RAX: variants seen among roughly 807,000 people sequenced by gnomAD.
RAX encodes the protein retinal homeobox protein Rx.
RAX carries 11 observed loss-of-function variants against 17.4 expected under a neutral mutation model. The observed-to-expected ratio is 0.63, with a 90% CI of 0.40 to 1.05. The LOEUF is 1.05. Among genes scored for constraint, RAX ranks in the 50% least tolerant of loss-of-function variants. RAX has a pLI of 0.00. For missense variants in RAX, 527 were observed against 501.1 expected (o/e 1.05, Z -0.49); for synonymous variants, 276 against 254.7 (o/e 1.08, Z -0.80).
At chr18:59,272,860 G>A (rs2070350766) in intron 1 of RAX, 58 bp downstream of exon 1, 1 of 1,490,276 alleles carries the variant, frequency 6.7e-7, no homozygotes, top group Non-Finnish European at 8.8e-7. Flanking sequence ...CTCTCGTCTG[G>A]CCAACTCCTA....
Position 59,267,239 on chromosome 18 carries a change from C to T in RAX, c.*1765G>A, listed in dbSNP as rs2070285685. The stretch of plus-strand genomic sequence containing the variant: ...ATCTGGAGGTCTAGGGGTACACAGC[C>T]CTGGTTATGCAATAGCCTCTTAGAC... On this transcript the variant is annotated 3_prime_UTR_variant, in exon 3 of 3. Transcript: ENST00000334889. 1 of 152,164 alleles carries T rather than the reference C, an allele frequency of 6.6e-6. No homozygotes were observed. The highest frequency in any genetic ancestry group is 2.4e-5 in the African/African-American group (1 of 41,412). 9.4% of individuals were successfully genotyped at this position (152,164 alleles called of 1,614,324 possible).
Position 59,272,782 on chromosome 18 carries a change from GA to G in RAX, c.289+135del, listed in dbSNP as rs1050219218. ...CTAAGCTTTCTCTGAATGCAAATTG[GA>G]AGCTCCCGCCATAGACGGTCCCCAA... On this transcript the variant is annotated intron_variant, in intron 1 of 2. Coordinates refer to ENST00000334889, the MANE Select transcript of RAX (RefSeq NM_013435.3). 5.8e-6 allele frequency: 8 copies of G among 1,373,210 alleles called. No homozygotes were observed. The African/African-American group carries it at 1.2e-4, about 20-fold the overall frequency. 85.1% of individuals were successfully genotyped at this position (1,373,210 alleles called of 1,614,324 possible).
chr18:59,273,232 G>A lies in RAX; in HGVS notation c.-26C>T. The A allele has an allele frequency of 6.6e-7, 1 of 1,520,394 alleles. No individual in the cohort carries two copies. Among genetic ancestry groups the A allele is most frequent in the African/African-American group, 1.4e-5 (1 of 71,740 alleles). 94.2% of individuals were successfully genotyped at this position (1,520,394 alleles called of 1,614,324 possible). Reference sequence around the variant, plus strand: ...GGGGAGCGCCGGGAGGCGGGAGGGCGCTTTGGAGACGGAGAGGAGAGGCTC... The same window carrying A: ...GGGGAGCGCCGGGAGGCGGGAGGGCACTTTGGAGACGGAGAGGAGAGGCTC... On this transcript the variant is annotated 5_prime_UTR_variant, in exon 1 of 3. Coordinates refer to ENST00000334889, the MANE Select transcript of RAX (RefSeq NM_013435.3).
Position 59,268,751 on chromosome 18 carries a change from G to T in RAX, c.*253C>A. ...CGTGGCCAGCGGGGCCCGGCAGCCTGTTGCCCTCCAGCTGCAGGGCTGAGG... is the reference window on the plus strand; with the variant it reads ...CGTGGCCAGCGGGGCCCGGCAGCCTTTTGCCCTCCAGCTGCAGGGCTGAGG... On this transcript the variant is annotated 3_prime_UTR_variant, in exon 3 of 3. Coordinates refer to ENST00000334889, the MANE Select transcript of RAX (RefSeq NM_013435.3). This position sits in a 1 kb window ranked among gnomAD's most constrained non-coding sequence, Gnocchi z 4.4. The T allele has an allele frequency of 1.6e-6, 1 of 608,528 alleles. No homozygotes were observed. The highest frequency in any genetic ancestry group is 2.8e-6 in the Non-Finnish European group (1 of 359,490). 37.7% of individuals were successfully genotyped at this position (608,528 alleles called of 1,614,324 possible). A position where few individuals can be genotyped will look rare whatever the true frequency, so the allele number is the denominator to read the frequency against.
chr18:59,268,929 G>C lies in RAX; in HGVS notation c.*75C>G. On this transcript the variant is annotated 3_prime_UTR_variant, in exon 3 of 3. Coordinates refer to ENST00000334889, the MANE Select transcript of RAX (RefSeq NM_013435.3). This position sits in a 1 kb window ranked among gnomAD's most constrained non-coding sequence, Gnocchi z 4.4. ...AAGAGGGGCCGAGCTGGGGAGGGGG[G>C]TTGTCCCTGGGAGAGAGGATGCGGG... 6.2e-7 allele frequency: 1 copy of C among 1,608,926 alleles called. No individual in the cohort carries two copies.
At chr18:59,269,585 G>A (rs1348603875) in intron 2 of RAX, 84 bp from the exon 3 acceptor site, 15 of 1,473,912 alleles carry the variant, frequency 1.0e-5, no homozygotes, top group Admixed American at 3.8e-5. Flanking sequence ...AGCTCGGCGG[G>A]CTCCACTCCG....
Position 59,269,120 on chromosome 18 carries a change from A to G in RAX, c.925T>C (p.Phe309Leu), listed in dbSNP as rs1312676073. ...TCGTCCAGCGGGAACTTGTCCCCGA[A>G]GCCGGGCCCGCACGGGTAGGAGGGC... ...PPPSYPCGPG[F>L]GDKFPLDEAD... Residue 309 changes from phenylalanine (F) to leucine (L), a missense_variant, in exon 3 of 3, where the codon TTC becomes CTC. Physicochemically the swap from Phe to Leu is conservative, Grantham distance 22. Transcript: ENST00000334889. The G allele has an allele frequency of 1.2e-6, 2 of 1,608,520 alleles. No homozygotes were observed. Among genetic ancestry groups the G allele is most frequent in the Non-Finnish European group, 1.7e-6 (2 of 1,177,818 alleles).
Position 59,268,112 on chromosome 18 carries a change from A to T in RAX, c.*892T>A, listed in dbSNP as rs2070297217. 1 of 152,678 alleles carries T rather than the reference A, an allele frequency of 6.5e-6. No homozygotes were observed. Among genetic ancestry groups the T allele is most frequent in the Admixed American group, 6.5e-5 (1 of 15,288 alleles). The allele number at this position is 152,678 out of a possible 1,614,324, so 9.5% of individuals were successfully genotyped here. The stretch of plus-strand genomic sequence containing the variant: ...GCTTGGTGAACTGAGAGGAGTCCTT[A>T]GGAGAGCGGGGACGCCAGGGGCCGG... On this transcript the variant is annotated 3_prime_UTR_variant, in exon 3 of 3. Coordinates refer to ENST00000334889, the MANE Select transcript of RAX (RefSeq NM_013435.3). This position sits in a 1 kb window ranked among gnomAD's most constrained non-coding sequence, Gnocchi z 4.4.
In RAX at chr18:59,272,604, G is replaced by C; in HGVS notation, c.300C>G (p.Pro100=). 1 of 1,611,484 alleles carries C rather than the reference G, an allele frequency of 6.2e-7. No individual in the cohort carries two copies. Among genetic ancestry groups the C allele is most frequent in the Non-Finnish European group, 8.5e-7 (1 of 1,179,514 alleles). Residue 100 remains proline, a synonymous_variant, in exon 2 of 3, where the codon CCC becomes CCG. Transcript: ENST00000334889. ...APAPEYEAPR[P]YCPKEPGEAR... The stretch of plus-strand genomic sequence containing the variant: ...CCTCCCCGGGCTCCTTGGGGCAGTA[G>C]GGTCGAGGGGCTGGGGCGACGAGGC...
Position 59,273,062 on chromosome 18 carries a change from C to G in RAX, c.145G>C (p.Gly49Arg), listed in dbSNP as rs2070353903. 8 of 1,534,982 alleles carry G rather than the reference C, an allele frequency of 5.2e-6. No individual in the cohort carries two copies. Among genetic ancestry groups the G allele is most frequent in the Non-Finnish European group, 7.0e-6 (8 of 1,146,392 alleles). Reference sequence around the variant, plus strand: ...GCGCCCCGCTCCGCCGGGAAGGTGCCGAGGATCCCGTCGTCCTTGGTAAAC... The same window carrying G: ...GCGCCCCGCTCCGCCGGGAAGGTGCGGAGGATCCCGTCGTCCTTGGTAAAC... ...LGFTKDDGILGTFPAERGARG... is the reference protein window; with the variant it reads ...LGFTKDDGILRTFPAERGARG... The change falls in exon 1 of 3, where the codon GGC becomes CGC. Residue 49 changes from glycine to arginine, a missense_variant. Gly to Arg is a moderately radical substitution (Grantham distance 125). Transcript: ENST00000334889.
chr18:59,269,006 A>T lies in RAX; in HGVS notation c.1039T>A (p.Ter347LysextTer109). 6.2e-7 allele frequency: 1 copy of T among 1,612,974 alleles called. No individual in the cohort carries two copies. The highest frequency in any genetic ancestry group is 8.5e-7 in the Non-Finnish European group (1 of 1,179,876). The change falls in exon 3 of 3, where the codon TAG becomes AAG. Residue 347 changes from the stop codon to lysine, a stop_lost. Transcript: ENST00000334889. ...TCCCAAGACGTTCCCCAGTGCCCCTAGAGGGCCTGCCACGGCTTCCCGATG... is the reference window on the plus strand; with the variant it reads ...TCCCAAGACGTTCCCCAGTGCCCCTTGAGGGCCTGCCACGGCTTCCCGATG... ...QAIGKPWQAL[*>K]
Position 59,271,859 on chromosome 18 carries a change from C to A in RAX, c.543+502G>T, listed in dbSNP as rs79872589. 3.1e-3 allele frequency among the ~76,000 whole-genome samples: 465 copies of A among 152,332 alleles called. 2 individuals are homozygous for A. Among genetic ancestry groups the A allele is most frequent in the African/African-American group, 0.011 (442 of 41,574 alleles). ...AGCGAGAAGTTTGGTTGGATGTGCA[C>A]CAGAAAAGGAAAAGTCAGTTTCTTA... is the stretch of plus-strand genomic sequence containing the variant. On this transcript the variant is annotated intron_variant, in intron 2 of 2. Transcript: ENST00000334889.
chr18:59,273,034 C>G lies in RAX; in HGVS notation c.173G>C (p.Arg58Pro), dbSNP rs886054026. Residue 58 changes from arginine (R) to proline (P), a missense_variant, in exon 1 of 3, where the codon CGG becomes CCG. By Grantham distance (103) the Arg-to-Pro change is moderately radical (BLOSUM62 -2). Transcript: ENST00000334889. ...LGTFPAERGARGAKERDRRLG... is the reference protein window; with the variant it reads ...LGTFPAERGAPGAKERDRRLG... ...CCTCCTATCCCGCTCCTTCGCGCCC[C>G]GGGCGCCCCGCTCCGCCGGGAAGGT... 4.6e-6 allele frequency: 7 copies of G among 1,534,480 alleles called. No individual in the cohort carries two copies. The highest frequency in any genetic ancestry group is 1.7e-4 in the Middle Eastern group (1 of 5,840).
chr18:59,268,588 T>A lies in RAX; in HGVS notation c.*416A>T. 3.8e-6 allele frequency: 1 copy of A among 263,854 alleles called. No individual in the cohort carries two copies. The highest frequency in any genetic ancestry group is 9.1e-5 in the East Asian group (1 of 10,984). The allele number at this position is 263,854 out of a possible 1,614,324, so 16.3% of individuals were successfully genotyped here. On this transcript the variant is annotated 3_prime_UTR_variant, in exon 3 of 3. Transcript: ENST00000334889. This position sits in a 1 kb window ranked among gnomAD's most constrained non-coding sequence, Gnocchi z 4.4. The stretch of plus-strand genomic sequence containing the variant: ...TTGAAACTACTTATACAAAAGTTTC[T>A]CAAACTCTATTTTTCCGCCTCCCCT...
chr18:59,272,341 C>T lies in RAX; in HGVS notation c.543+20G>A. ...CCTCGGGCCCTCCCAGATCCCAGTT[C>T]CTCAACCTGGGCGCTTTACCTGGAC... On this transcript the variant is annotated intron_variant, in intron 2 of 2. Transcript: ENST00000334889. 1 of 1,614,202 alleles carries T rather than the reference C, an allele frequency of 6.2e-7. No homozygotes were observed. The highest frequency in any genetic ancestry group is 8.5e-7 in the Non-Finnish European group (1 of 1,180,048).
Position 59,268,882 on chromosome 18 carries a change from G to C in RAX, c.*122C>G. On this transcript the variant is annotated 3_prime_UTR_variant, in exon 3 of 3. Coordinates refer to ENST00000334889, the MANE Select transcript of RAX (RefSeq NM_013435.3). This position sits in a 1 kb window ranked among gnomAD's most constrained non-coding sequence, Gnocchi z 4.4. Reference sequence around the variant, plus strand: ...CGCGTGGCCCTGAACTATGCTTGGCGGGTGGCTGCAGGCGACAGGGAAAGA... The same window carrying C: ...CGCGTGGCCCTGAACTATGCTTGGCCGGTGGCTGCAGGCGACAGGGAAAGA... The C allele has an allele frequency of 1.3e-6, 2 of 1,498,042 alleles. No homozygotes were observed. The highest frequency in any genetic ancestry group is 1.8e-6 in the Non-Finnish European group (2 of 1,096,770). 92.8% of individuals were successfully genotyped at this position (1,498,042 alleles called of 1,614,324 possible).
Position 59,273,323 on chromosome 18 carries a change from G to C in RAX, c.-117C>G. ...GTCCCGACCCTAGGTCAAGCTCCGC[G>C]GGCGAAGCCCGCCCGGGCTGCGCAC... On this transcript the variant is annotated 5_prime_UTR_variant, in exon 1 of 3. Transcript: ENST00000334889. 1.8e-6 allele frequency: 2 copies of C among 1,140,732 alleles called. No homozygotes were observed. Among genetic ancestry groups the C allele is most frequent in the Admixed American group, 3.1e-5 (1 of 31,798 alleles). 70.7% of individuals were successfully genotyped at this position (1,140,732 alleles called of 1,614,324 possible).
In RAX at chr18:59,269,305, G is replaced by A. The variant is rs929905002; in HGVS notation, c.740C>T (p.Pro247Leu). ...GALPLESWLG[P>L]PLPGGGATAL... is the part of the protein sequence containing the mutation. ...CGTGGCGCCCCCGCCCGGCAGCGGC[G>A]GCCCGAGCCAGGACTCCAGCGGCAG... The change falls in exon 3 of 3, where the codon CCG becomes CTG. Residue 247 changes from proline (P) to leucine (L), a missense_variant. Physicochemically the swap from Pro to Leu is moderately conservative, Grantham distance 98. Coordinates refer to ENST00000334889, the MANE Select transcript of RAX (RefSeq NM_013435.3). 1.6e-6 allele frequency: 2 copies of A among 1,283,500 alleles called. No individual in the cohort carries two copies. The highest frequency in any genetic ancestry group is 2.0e-6 in the Non-Finnish European group (2 of 1,021,586). The allele number at this position is 1,283,500 out of a possible 1,614,324, so 79.5% of individuals were successfully genotyped here. A position where few individuals can be genotyped will look rare whatever the true frequency, so the allele number is the denominator to read the frequency against.
At chr18:59,272,262 G>A (rs2070343639) in intron 2 of RAX, 99 bp downstream of exon 2, 1 of 1,526,490 alleles carries the variant, frequency 6.6e-7, no homozygotes, top group African/African-American at 1.4e-5. Flanking sequence ...AGGAAGGACA[G>A]TAATAAATGC....
Sources: allele counts gnomAD v4.1 joint callset (sites outside exome capture counted in the v4.1 genomes callset), GRCh38; gene constraint gnomAD v4.1.1; non-coding constraint Gnocchi (gnomAD v3.1); transcripts MANE v1.5; gene names NCBI Gene and HGNC (gene_info 2026-07-23, HGNC 2026-07-21).